ERBIN: variants seen among roughly 807,000 people sequenced by gnomAD.
ERBIN encodes erbb2 interacting protein, also known as densin-180-like protein.
ERBIN carries 60 observed loss-of-function variants against 158.4 expected under a neutral mutation model. That is an observed-to-expected ratio of 0.38 (90% CI 0.31 to 0.47). ERBIN has a LOEUF of 0.47. Ranked by LOEUF, ERBIN falls within the 20% of genes least tolerant of loss-of-function variation. ERBIN has a pLI of 0.99. For missense variants in ERBIN, 1,610 were observed against 1,648.0 expected (o/e 0.98, Z 0.40); for synonymous variants, 594 against 557.2 (o/e 1.07, Z -0.93).
intron 1 of ERBIN, among the ~76,000 whole-genome samples, chr5:65,973,961 G>A (rs1209333376): frequency 1.3e-5 from 2 of 151,330 alleles, no homozygotes; most frequent in Admixed American, 6.6e-5. Flanking sequence ...GAGGCCAGGC[G>A]CTGTGACTCA....
chr5:66,063,602 G>T (rs533916024), intron 21 of ERBIN, among the ~76,000 whole-genome samples: 1 of 152,176 alleles, frequency 6.6e-6, no homozygotes, highest in Non-Finnish European at 1.5e-5. Context: ...TCAGTTGGAA[G>T]TGCAGAAAAC....
At chr5:66,011,168 C>T (rs990566257) in intron 4 of ERBIN, among the ~76,000 whole-genome samples, 5 of 151,854 alleles carry the variant, frequency 3.3e-5, no homozygotes, top group Admixed American at 1.3e-4. Context: ...CATTGGGTTA[C>T]GTGAAGGGAA....
Position 66,024,426 on chromosome 5 carries a change from C to T in ERBIN, c.793C>T (p.Leu265Phe), listed in dbSNP as rs1486983582. 1 of 1,597,270 alleles carries T rather than the reference C, an allele frequency of 6.3e-7. No individual in the cohort carries two copies. The highest frequency in any genetic ancestry group is 8.5e-7 in the Non-Finnish European group (1 of 1,175,742). ...LQDLLLSSNSLQQLPETIGSL... is the reference protein window; with the variant it reads ...LQDLLLSSNSFQQLPETIGSL... Reference sequence around the variant, plus strand: ...AGACCTCCTATTATCAAGCAATTCACTTCAGCAGCTTCCTGAGACTATTGG... The same window carrying T: ...AGACCTCCTATTATCAAGCAATTCATTTCAGCAGCTTCCTGAGACTATTGG... The change falls in exon 10 of 26, where the codon CTT becomes TTT. Residue 265 changes from leucine (L) to phenylalanine (F), a missense_variant. Leu to Phe is a conservative substitution (Grantham distance 22). Around this residue, in one of 2 missense-constraint regions of ERBIN, gnomAD observed 596 missense variants for 711.9 expected, o/e 0.84. Transcript: ENST00000284037.
intron 22 of ERBIN, among the ~76,000 whole-genome samples, chr5:66,074,243 T>G (rs1050444877): frequency 6.6e-6 from 1 of 151,956 alleles, no homozygotes; most frequent in Non-Finnish European, 1.5e-5. Context: ...TTAGCCACAT[T>G]TCTACAAAGG....
intron 9 of ERBIN, 110 bp downstream of exon 9, chr5:66,023,474 CTTT>C (rs1320048064): frequency 1.7e-6 from 1 of 585,362 alleles, no homozygotes; most frequent in East Asian, 3.1e-5. Flanking sequence ...TTGAATTATT[CTTT>C]ATTAAACAGA....
chr5:66,002,204 C>T (rs909503682), intron 4 of ERBIN, among the ~76,000 whole-genome samples: 11 of 152,104 alleles, frequency 7.2e-5, no homozygotes, highest in African/African-American at 2.4e-4. Context: ...TTTTCTTTAT[C>T]CAATCTGTCA....
rs138572381 is a variant in ERBIN at position 65,961,912 on chromosome 5, A to G, written c.-57-26723A>G. Among the ~76,000 whole-genome samples, 1,118 of 152,238 alleles carry G rather than the reference A, an allele frequency of 7.3e-3. 20 individuals carry two copies. Among genetic ancestry groups the G allele is most frequent in the African/African-American group, 0.026 (1,069 of 41,532 alleles). On this transcript the variant is annotated intron_variant, in intron 1 of 25. Coordinates refer to ENST00000284037, the MANE Select transcript of ERBIN (RefSeq NM_001253697.2). ...TCACTAATGAGGTGCCTTACATAGTACTGTATCTTTTTGGTGCTGCAGAAA... is the reference window on the plus strand; with the variant it reads ...TCACTAATGAGGTGCCTTACATAGTGCTGTATCTTTTTGGTGCTGCAGAAA...
intron 14 of ERBIN, among the ~76,000 whole-genome samples, chr5:66,034,440 T>A (rs1483555157): frequency 6.6e-6 from 1 of 151,788 alleles, no homozygotes; most frequent in Non-Finnish European, 1.5e-5. Context: ...AAGGCACTTA[T>A]CACCACACCC....
At chr5:66,038,617 A>G in intron 15 of ERBIN, 135 bp downstream of exon 15, 1 of 592,436 alleles carries the variant, frequency 1.7e-6, no homozygotes, top group Non-Finnish European at 2.9e-6. Context: ...TTGTTTCGAA[A>G]TAATGGAAAA....
intron 22 of ERBIN, among the ~76,000 whole-genome samples, chr5:66,073,532 T>TTAG (rs1761713071): frequency 6.6e-6 from 1 of 152,202 alleles, no homozygotes; most frequent in African/African-American, 2.4e-5. Flanking sequence ...CTTCAGAATT[T>TTAG]AACTAAGTTC....
At chr5:66,015,679 AT>A (rs1303866499) in intron 7 of ERBIN, among the ~76,000 whole-genome samples, 1 of 152,134 alleles carries the variant, frequency 6.6e-6, no homozygotes, top group African/African-American at 2.4e-5. Context: ...TCTATAGAAA[AT>A]TAAAAAATTA....
At chr5:65,992,390 G>A (rs1165929684) in intron 2 of ERBIN, among the ~76,000 whole-genome samples, 2 of 152,008 alleles carry the variant, frequency 1.3e-5, no homozygotes, top group African/African-American at 4.8e-5. Flanking sequence ...CTCGTGTTCC[G>A]CCTGCCTCGG....
At chr5:66,076,626 A>G in intron 24 of ERBIN, 1 of 597,494 alleles carries the variant, frequency 1.7e-6, no homozygotes, top group East Asian at 2.9e-5. Flanking sequence ...TAATGAAATG[A>G]TTTTTAACTT....
In ERBIN at chr5:66,043,298, A is replaced by G. The variant is rs1758100001; in HGVS notation, c.1428+100A>G. 5 of 1,216,484 alleles carry G rather than the reference A, an allele frequency of 4.1e-6. No homozygotes were observed. In the Admixed American group the frequency reaches 1.3e-4, roughly 30 times the overall value. 75.4% of individuals were successfully genotyped at this position (1,216,484 alleles called of 1,614,324 possible). ...TGTCTGGGGATATAACAAAGTATTG[A>G]ATTTATTCCTTGTCCTCAAGGCACT... On this transcript the variant is annotated intron_variant, in intron 16 of 25. Transcript: ENST00000284037.
chr5:66,046,613 C>T (rs1580454236), intron 18 of ERBIN, 75 bp downstream of exon 18: 1 of 1,174,634 alleles, frequency 8.5e-7, no homozygotes, highest in East Asian at 2.4e-5. Context: ...AAATAAAGAC[C>T]TGATACTGAT....
At chr5:66,009,167 A>T (rs536334869) in intron 4 of ERBIN, among the ~76,000 whole-genome samples, 1 of 152,352 alleles carries the variant, frequency 6.6e-6, no homozygotes, top group African/African-American at 2.4e-5. Context: ...TAGGCTCTGC[A>T]GCAGCAGACA....
intron 21 of ERBIN, among the ~76,000 whole-genome samples, chr5:66,059,741 C>G (rs369461075): frequency 1.2e-4 from 18 of 152,108 alleles, no homozygotes; most frequent in Admixed American, 2.6e-4. Context: ...AGAGTTTTTA[C>G]CATGAAGGGT....
At chr5:65,935,735 T>C (rs933799013) in intron 1 of ERBIN, among the ~76,000 whole-genome samples, 1 of 152,162 alleles carries the variant, frequency 6.6e-6, no homozygotes, top group African/African-American at 2.4e-5. Context: ...TCTTTTTTAT[T>C]CTTTTTTGGA....
chr5:65,934,937 C>T (rs1006531510), intron 1 of ERBIN, among the ~76,000 whole-genome samples: 1 of 151,902 alleles, frequency 6.6e-6, no homozygotes, highest in African/African-American at 2.4e-5. Context: ...TTTTTGAGTA[C>T]TCCTTGTTTT....
Sources: allele counts gnomAD v4.1 joint callset (sites outside exome capture counted in the v4.1 genomes callset), GRCh38; gene constraint gnomAD v4.1.1; regional missense constraint gnomAD v4.1.1; transcripts MANE v1.5; gene names NCBI Gene and HGNC (gene_info 2026-07-23, HGNC 2026-07-21).